SMCO4: variants seen among roughly 807,000 people sequenced by gnomAD.
SMCO4 encodes the protein single-pass membrane protein with coiled-coil domains 4.
In SMCO4, 4 loss-of-function variants were observed where a neutral mutation model predicts 3.6. The observed-to-expected ratio is 1.11, with a 90% CI of 0.54 to 2.53. SMCO4 has a LOEUF of 2.53. SMCO4 is among the 30% of genes most tolerant of loss of function. The pLI, the probability that SMCO4 is intolerant of heterozygous loss-of-function variation, is 0.02. For synonymous variants in SMCO4, 36 were observed against 35.3 expected, an observed-to-expected ratio of 1.02 and a Z score of -0.07; for missense variants, 70 against 80.8, an observed-to-expected ratio of 0.87 and a Z score of 0.51.
chr11:93,534,915 A>G (rs1949205072), intron 1 of SMCO4, among the ~76,000 whole-genome samples: 1 of 152,214 alleles, frequency 6.6e-6, no homozygotes, highest in African/African-American at 2.4e-5. Flanking sequence ...CTAAGGGTCA[A>G]AGCACCACAA....
At chr11:93,539,666 T>A (rs944908261) in intron 1 of SMCO4, among the ~76,000 whole-genome samples, 1 of 152,222 alleles carries the variant, frequency 6.6e-6, no homozygotes, top group African/African-American at 2.4e-5. Flanking sequence ...CCTTTCAGCA[T>A]ACAATTTACT....
chr11:93,531,841 C>G (rs1175009056), intron 1 of SMCO4, among the ~76,000 whole-genome samples: 4 of 152,162 alleles, frequency 2.6e-5, no homozygotes, highest in African/African-American at 9.7e-5. Flanking sequence ...CCCCTCTGCT[C>G]CCTGAGATAA....
At chr11:93,533,727 C>T (rs1218654511) in intron 1 of SMCO4, among the ~76,000 whole-genome samples, 2 of 152,156 alleles carry the variant, frequency 1.3e-5, no homozygotes. Flanking sequence ...TCTCCTGCCC[C>T]ACCTAAGGCC....
At chr11:93,484,509 TAA>T (rs900500276) in intron 2 of SMCO4, among the ~76,000 whole-genome samples, 1 of 152,116 alleles carries the variant, frequency 6.6e-6, no homozygotes, top group African/African-American at 2.4e-5. Flanking sequence ...TCCTCCTCTG[TAA>T]AATGGGTAAG....
At chr11:93,479,372 A>C in intron 2 of SMCO4, 103 bp from the exon 3 acceptor site, 3 of 1,129,568 alleles carry the variant, frequency 2.7e-6, no homozygotes, top group Non-Finnish European at 2.4e-6. Flanking sequence ...TGCAACTTAC[A>C]TGACAAAGGG....
At chr11:93,530,187 C>T (rs1002606903) in intron 1 of SMCO4, among the ~76,000 whole-genome samples, 1 of 152,174 alleles carries the variant, frequency 6.6e-6, no homozygotes, top group Admixed American at 6.5e-5. Context: ...GCAGGCATGG[C>T]GTTCACCAGG....
intron 2 of SMCO4, among the ~76,000 whole-genome samples, chr11:93,493,864 A>G: frequency 6.6e-6 from 1 of 152,088 alleles, no homozygotes; most frequent in Admixed American, 6.5e-5. Flanking sequence ...CCTCTCGCCA[A>G]TGCTGCCCAA....
chr11:93,523,738 A>C (rs768096765), intron 1 of SMCO4, among the ~76,000 whole-genome samples: 1 of 152,244 alleles, frequency 6.6e-6, no homozygotes, highest in Non-Finnish European at 1.5e-5. Flanking sequence ...TGTGTGTGCT[A>C]AAAGTGCTGA....
At chr11:93,486,971 C>T (rs965854630) in intron 2 of SMCO4, among the ~76,000 whole-genome samples, 1 of 152,158 alleles carries the variant, frequency 6.6e-6, no homozygotes, top group African/African-American at 2.4e-5. Context: ...ATAAACAACA[C>T]GAGAAGGGTA....
intron 1 of SMCO4, among the ~76,000 whole-genome samples, chr11:93,542,046 T>C (rs1372819300): frequency 6.6e-6 from 1 of 152,134 alleles, no homozygotes; most frequent in Non-Finnish European, 1.5e-5. Context: ...TATGGGTCTC[T>C]TGCCGTATCA....
intron 1 of SMCO4, among the ~76,000 whole-genome samples, chr11:93,506,723 G>A (rs1213819484): frequency 6.6e-6 from 1 of 152,174 alleles, no homozygotes; most frequent in African/African-American, 2.4e-5. Flanking sequence ...TTACAGGCAT[G>A]AGCCACCACG....
the SMCO4 span, among the ~76,000 whole-genome samples, chr11:93,553,183 A>T: frequency 1.3e-5 from 2 of 152,194 alleles, no homozygotes; most frequent in Non-Finnish European, 2.9e-5. Context: ...TACATCTAAA[A>T]CTGAAGTTCT....
chr11:93,483,351 C>T (rs1302303422), intron 2 of SMCO4, among the ~76,000 whole-genome samples: 1 of 152,158 alleles, frequency 6.6e-6, no homozygotes, highest in African/African-American at 2.4e-5. Flanking sequence ...GCCTCCTGGG[C>T]CAGGGCTGGC....
chr11:93,535,065 T>G (rs1949206269), intron 1 of SMCO4, among the ~76,000 whole-genome samples: 1 of 152,190 alleles, frequency 6.6e-6, no homozygotes, highest in African/African-American at 2.4e-5. Context: ...GTCTTCCCAG[T>G]GCCCCTCCCC....
intron 1 of SMCO4, among the ~76,000 whole-genome samples, chr11:93,528,040 C>T (rs1388279173): frequency 1.3e-5 from 2 of 151,522 alleles, no homozygotes; most frequent in East Asian, 3.9e-4. Context: ...CATACTAAAT[C>T]CTAATAAATA....
At chr11:93,530,234 C>G (rs576320298) in intron 1 of SMCO4, among the ~76,000 whole-genome samples, 11 of 152,134 alleles carry the variant, frequency 7.2e-5, no homozygotes, top group Non-Finnish European at 1.5e-4. Flanking sequence ...GGGGAAGAGC[C>G]CACCAGTTCA....
rs1490015011 is a variant in SMCO4 at position 93,527,974 on chromosome 11, T to C, written c.-154+15302A>G. Among the ~76,000 whole-genome samples the C allele has an allele frequency of 7.2e-5, 11 of 152,086 alleles. 2 individuals are homozygous for C. Among genetic ancestry groups the C allele is most frequent in the Admixed American group, 3.9e-4 (6 of 15,262 alleles). On this transcript the variant is annotated intron_variant, in intron 1 of 2. Transcript: ENST00000298966. ...TTTTTTAAAATAGGAATGTCATAGGTTCACAGTGAGAATTAAATAAGATAC... is the reference window on the plus strand; with the variant it reads ...TTTTTTAAAATAGGAATGTCATAGGCTCACAGTGAGAATTAAATAAGATAC...
intron 1 of SMCO4, among the ~76,000 whole-genome samples, chr11:93,508,008 A>T (rs1397467799): frequency 6.6e-6 from 1 of 152,214 alleles, no homozygotes; most frequent in Non-Finnish European, 1.5e-5. Flanking sequence ...ATATTATCAT[A>T]TATCATATAA....
At position 93,493,736 on chromosome 11, in the gene SMCO4, G is replaced by A. The variant is rs1050397420; in HGVS notation, c.-81+5540C>T. On this transcript the variant is annotated intron_variant, in intron 2 of 2. Coordinates refer to ENST00000298966, the MANE Select transcript of SMCO4 (RefSeq NM_020179.3). ...GAGCCCAACCCTGACCTCTGACATC[G>A]CATCATGCACGGCTGTTCTGTCTGC... Among the ~76,000 whole-genome samples the A allele has an allele frequency of 7.2e-5, 11 of 152,160 alleles. No homozygotes were observed. In the East Asian group the frequency reaches 7.7e-4, roughly 11 times the overall value.
Sources: gnomAD v4.1 joint callset for allele counts (sites outside exome capture counted in the v4.1 genomes callset) on GRCh38, gnomAD v4.1.1 for gene constraint, MANE v1.5 for transcripts, NCBI Gene and HGNC (gene_info 2026-07-23, HGNC 2026-07-21) for gene names.